The following TMEM163 variants were observed in gnomAD, a reference collection of about 807,000 sequenced individuals.
TMEM163 encodes transmembrane protein 163.
TMEM163 carries 17 observed loss-of-function variants against 29.3 expected under a neutral mutation model. That is an observed-to-expected ratio of 0.58 (90% CI 0.40 to 0.87). The LOEUF (loss-of-function observed/expected upper bound fraction) is 0.87, where lower values mean the gene tolerates loss of function less well. Ranked by LOEUF, TMEM163 falls within the 40% of genes least tolerant of loss-of-function variation. TMEM163 has a pLI of 0.00. For synonymous variants in TMEM163, 157 were observed against 160.6 expected (o/e 0.98, Z 0.17); for missense variants, 303 against 381.5 (o/e 0.79, Z 1.71).
intron 5 of TMEM163, among the ~76,000 whole-genome samples, chr2:134,494,507 C>A (rs566560848): frequency 9.1e-4 from 138 of 152,298 alleles, no homozygotes; most frequent in Non-Finnish European, 1.7e-3. Context: ...CATTACCCAT[C>A]CTGAGCTGAG....
chr2:134,671,495 C>T (rs546822043), intron 2 of TMEM163, among the ~76,000 whole-genome samples: 36 of 152,250 alleles, frequency 2.4e-4, no homozygotes, highest in African/African-American at 7.2e-4. Context: ...GGTTCAAGCC[C>T]GAAACAAACT....
intron 2 of TMEM163, among the ~76,000 whole-genome samples, chr2:134,600,212 C>T (rs1439153357): frequency 6.6e-6 from 1 of 152,150 alleles, no homozygotes; most frequent in African/African-American, 2.4e-5. Context: ...ATAAGCAAAA[C>T]AGGGAATTTG....
intron 2 of TMEM163, among the ~76,000 whole-genome samples, chr2:134,646,593 C>A (rs1683343115): frequency 6.6e-6 from 1 of 152,020 alleles, no homozygotes; most frequent in South Asian, 2.1e-4. Context: ...TACAGGTGTG[C>A]ATCACCATGC....
intron 4 of TMEM163, among the ~76,000 whole-genome samples, chr2:134,528,348 C>A (rs1680340083): frequency 6.6e-6 from 1 of 152,204 alleles, no homozygotes; most frequent in African/African-American, 2.4e-5. Flanking sequence ...TTGTTCAGCT[C>A]ACCTAGGTTC....
intron 5 of TMEM163, among the ~76,000 whole-genome samples, chr2:134,498,040 C>G (rs1476525015): frequency 6.6e-6 from 1 of 152,240 alleles, no homozygotes; most frequent in Admixed American, 6.5e-5. Flanking sequence ...GCAGGGCTCT[C>G]CTCTACTGCC....
At chr2:134,657,038 T>C (rs1317379125) in intron 2 of TMEM163, among the ~76,000 whole-genome samples, 2 of 152,142 alleles carry the variant, frequency 1.3e-5, no homozygotes, top group Non-Finnish European at 2.9e-5. Context: ...TAATAAGGGA[T>C]ATTGGCCTGT....
intron 2 of TMEM163, among the ~76,000 whole-genome samples, chr2:134,668,073 C>T (rs1683906292): frequency 1.3e-5 from 2 of 152,180 alleles, no homozygotes; most frequent in African/African-American, 4.8e-5. Flanking sequence ...GGCTGAGGGA[C>T]TTGGATGGGG....
intron 3 of TMEM163, 68 bp downstream of exon 3, chr2:134,551,980 A>C: frequency 1.5e-6 from 2 of 1,315,740 alleles, no homozygotes; most frequent in Non-Finnish European, 2.2e-6. Context: ...TTGAGGGCTC[A>C]GGGTGAGGTT....
intron 5 of TMEM163, among the ~76,000 whole-genome samples, chr2:134,496,100 C>T (rs1201951831): frequency 6.7e-6 from 1 of 150,308 alleles, no homozygotes; most frequent in Non-Finnish European, 1.5e-5. Context: ...CTCGCTCTGT[C>T]ACCCAGGCTG....
chr2:134,681,423 C>A lies in TMEM163; in HGVS notation c.322+31777G>T, dbSNP rs565027947. Among the ~76,000 whole-genome samples the A allele has an allele frequency of 5.9e-5, 9 of 152,316 alleles. No homozygotes were observed. The South Asian group carries it at 1.0e-3, about 18-fold the overall frequency. On this transcript the variant is annotated intron_variant, in intron 2 of 7. Coordinates refer to ENST00000281924, the MANE Select transcript of TMEM163 (RefSeq NM_030923.5). ...AGTGTCCCGGTCAAGCTCAGCCAAC[C>A]ACTGGCAATTGCCCAGATGCAAAGG...
intron 2 of TMEM163, among the ~76,000 whole-genome samples, chr2:134,614,752 G>T (rs576330510): frequency 6.6e-6 from 1 of 152,250 alleles, no homozygotes; most frequent in South Asian, 2.1e-4. Flanking sequence ...TACCTGGGAG[G>T]CTGAGGAAGG....
intron 2 of TMEM163, among the ~76,000 whole-genome samples, chr2:134,685,679 T>C (rs1684336029): frequency 1.3e-5 from 2 of 152,162 alleles, no homozygotes; most frequent in African/African-American, 2.4e-5. Flanking sequence ...TATGCAATCA[T>C]TATAAAACTT....
chr2:134,510,399 T>C (rs183999239), intron 4 of TMEM163, among the ~76,000 whole-genome samples: 1 of 152,256 alleles, frequency 6.6e-6, no homozygotes, highest in East Asian at 1.9e-4. Context: ...AGGAGACCCA[T>C]GATGTGATCT....
chr2:134,493,530 T>C (rs1006771366), intron 5 of TMEM163, among the ~76,000 whole-genome samples: 44 of 152,022 alleles, frequency 2.9e-4, no homozygotes, highest in African/African-American at 9.4e-4. Context: ...CCTGCCACCA[T>C]GCCCAGCTAA....
intron 1 of TMEM163, among the ~76,000 whole-genome samples, chr2:134,716,922 G>C (rs1261708397): frequency 6.6e-6 from 1 of 152,150 alleles, no homozygotes; most frequent in Non-Finnish European, 1.5e-5. Flanking sequence ...TGGCGAATAG[G>C]GTTCATCCTA....
chr2:134,593,866 T>C (rs1338470199), intron 2 of TMEM163, among the ~76,000 whole-genome samples: 1 of 151,784 alleles, frequency 6.6e-6, no homozygotes, highest in African/African-American at 2.4e-5. Flanking sequence ...GGCTGCCTTG[T>C]AGCAATGCGA....
intron 2 of TMEM163, among the ~76,000 whole-genome samples, chr2:134,584,924 T>C (rs915211590): frequency 1.3e-5 from 2 of 152,132 alleles, no homozygotes; most frequent in Non-Finnish European, 2.9e-5. Flanking sequence ...CAGAGTCCAA[T>C]GCCCAGCTCC....
intron 2 of TMEM163, among the ~76,000 whole-genome samples, chr2:134,582,850 G>A (rs958986421): frequency 4.6e-5 from 7 of 152,158 alleles, no homozygotes; most frequent in Admixed American, 2.0e-4. Flanking sequence ...AAAGGTAGGG[G>A]GCAGAAAAAT....
intron 2 of TMEM163, among the ~76,000 whole-genome samples, chr2:134,647,924 C>T (rs1489654360): frequency 6.6e-6 from 1 of 152,182 alleles, no homozygotes; most frequent in Non-Finnish European, 1.5e-5. Context: ...GTGCCCACGA[C>T]CCCTGAAGCC....
Sources: allele counts gnomAD v4.1 joint callset (sites outside exome capture counted in the v4.1 genomes callset), GRCh38; gene constraint gnomAD v4.1.1; transcripts MANE v1.5; gene names NCBI Gene and HGNC (gene_info 2026-07-23, HGNC 2026-07-21).